GALNT12: variants seen among roughly 807,000 people sequenced by gnomAD.
GALNT12 encodes the protein UDP-GalNAc:polypeptide N-acetylgalactosaminyltransferase 12.
A neutral mutation model predicts 55.5 loss-of-function variants in GALNT12; 45 were observed. That is an observed-to-expected ratio of 0.81 (90% CI 0.64 to 1.04). The LOEUF (loss-of-function observed/expected upper bound fraction) is 1.04. Among genes scored for constraint, GALNT12 ranks in the 50% least tolerant of loss-of-function variants. The pLI, the probability that GALNT12 is intolerant of heterozygous loss-of-function variation, is 0.00. For missense variants in GALNT12, 709 were observed against 754.8 expected (o/e 0.94, Z 0.71); for synonymous variants, 304 against 312.2 (o/e 0.97, Z 0.28).
chr9:98,845,901 G>T, intron 8 of GALNT12, 76 bp from the exon 9 acceptor site: 1 of 1,522,162 alleles, frequency 6.6e-7, no homozygotes, highest in African/African-American at 1.4e-5. Context: ...GTGATCCCAG[G>T]TTCTTGTCCA....
chr9:98,825,252 A>T (rs1209717374), intron 2 of GALNT12, among the ~76,000 whole-genome samples: 2 of 152,248 alleles, frequency 1.3e-5, no homozygotes, highest in Non-Finnish European at 2.9e-5. Context: ...TATTTATTTT[A>T]TAATAATGGG....
intron 1 of GALNT12, among the ~76,000 whole-genome samples, chr9:98,819,312 G>A (rs1835684422): frequency 6.6e-6 from 1 of 152,174 alleles, no homozygotes; most frequent in South Asian, 2.1e-4. Context: ...CCTTCCACGG[G>A]GTCAGTGCTA....
chr9:98,812,155 A>G (rs546685090), intron 1 of GALNT12, among the ~76,000 whole-genome samples: 1 of 152,344 alleles, frequency 6.6e-6, no homozygotes, highest in Admixed American at 6.5e-5. Context: ...TTCTTGAGTC[A>G]GTACTCCAGT....
intron 7 of GALNT12, among the ~76,000 whole-genome samples, chr9:98,840,389 C>T (rs1313008832): frequency 1.3e-5 from 2 of 152,180 alleles, no homozygotes; most frequent in Non-Finnish European, 2.9e-5. Context: ...GAAACTGAGG[C>T]TTATCTGGTG....
intron 4 of GALNT12, among the ~76,000 whole-genome samples, chr9:98,833,028 C>A (rs1836040011): frequency 6.6e-6 from 1 of 152,202 alleles, no homozygotes; most frequent in Middle Eastern, 3.4e-3. Flanking sequence ...CATCTTTAGG[C>A]CCCTTTGACC....
intron 6 of GALNT12, among the ~76,000 whole-genome samples, chr9:98,839,085 T>A (rs1320147843): frequency 6.6e-6 from 1 of 152,178 alleles, no homozygotes; most frequent in Non-Finnish European, 1.5e-5. Context: ...ACCCACTCTT[T>A]CCTCATGCAC....
At position 98,818,178 on chromosome 9, in the gene GALNT12, G is replaced by A. The variant is rs930208934; in HGVS notation, c.372-5078G>A. On this transcript the variant is annotated intron_variant, in intron 1 of 9. Transcript: ENST00000375011. ...TCATGATACCATGATATAATATCAA[G>A]TCCAGAATATTTATCCAATATCGGA... 1.8e-4 allele frequency among the ~76,000 whole-genome samples: 28 copies of A among 151,802 alleles called. 1 individual carries two copies.
intron 7 of GALNT12, 51 bp downstream of exon 7, chr9:98,840,184 G>A (rs1406797398): frequency 1.2e-6 from 2 of 1,609,204 alleles, no homozygotes; most frequent in Middle Eastern, 2.2e-4. Context: ...CTGGCCTCTG[G>A]GTCTGCTCTG....
rs1337071048 is a variant in GALNT12 at position 98,837,011 on chromosome 9, TC to T, written c.1078del (p.His360MetfsTer51). ...TGGGGTTCTGGAAACACACCCATGT[TC>T]CCATGTTGGCCATGTTTTCCCCAAG... ...CGGVLETHPCSHVGHVFPKQA... is the reference protein window; with the variant it reads ...CGGVLETHPCXHVGHVFPKQA... On this transcript the variant is annotated frameshift_variant, in exon 6 of 10. Coordinates refer to ENST00000375011, the MANE Select transcript of GALNT12 (RefSeq NM_024642.5). LOFTEE classifies it high-confidence loss of function. 4 of 1,614,180 alleles carry T rather than the reference TC, an allele frequency of 2.5e-6. No homozygotes were observed. Among genetic ancestry groups the T allele is most frequent in the Non-Finnish European group, 1.7e-6 (2 of 1,180,040 alleles).
chr9:98,845,960 G>GGCTGCCCCATTTTTA lies in GALNT12; in HGVS notation c.1459-15_1459-1dup, dbSNP rs760180024. 1.2e-6 allele frequency: 2 copies of GGCTGCCCCATTTTTA among 1,613,744 alleles called. No homozygotes were observed. Among genetic ancestry groups the GGCTGCCCCATTTTTA allele is most frequent in the Non-Finnish European group, 8.5e-7 (1 of 1,179,768 alleles). ...AGTGGAAAATGTTGTGTTACATGTT[G>GGCTGCCCCATTTTTA]GCTGCCCCATTTTTAGTTTTTCGAG... On this transcript the variant is annotated splice_polypyrimidine_tract_variant and intron_variant, in intron 8 of 9. Transcript: ENST00000375011.
chr9:98,829,528 T>C (rs1276273440), intron 3 of GALNT12, among the ~76,000 whole-genome samples: 1 of 151,308 alleles, frequency 6.6e-6, no homozygotes, highest in Non-Finnish European at 1.5e-5. Context: ...TTTTTTTTTT[T>C]ACTATAGTCA....
chr9:98,817,540 T>C lies in GALNT12; in HGVS notation c.372-5716T>C, dbSNP rs1835640825. Among the ~76,000 whole-genome samples, 2 of 152,130 alleles carry C rather than the reference T, an allele frequency of 1.3e-5. 1 individual carries two copies. The highest frequency in any genetic ancestry group is 4.1e-4 in the South Asian group (2 of 4,826). ...GTGCAATGGCGCGATCTTGGCTCACTGCAACCTCCGCCTCCCAGGTTCAAG... is the reference window on the plus strand; with the variant it reads ...GTGCAATGGCGCGATCTTGGCTCACCGCAACCTCCGCCTCCCAGGTTCAAG... On this transcript the variant is annotated intron_variant, in intron 1 of 9. Transcript: ENST00000375011.
intron 3 of GALNT12, among the ~76,000 whole-genome samples, chr9:98,830,144 C>T (rs1023775071): frequency 1.3e-5 from 2 of 152,162 alleles, no homozygotes; most frequent in Non-Finnish European, 2.9e-5. Context: ...AATGCCTGGT[C>T]CCATTTGGAT....
At chr9:98,833,899 C>G (rs1184572687) in intron 4 of GALNT12, among the ~76,000 whole-genome samples, 2 of 152,102 alleles carry the variant, frequency 1.3e-5, no homozygotes, top group Non-Finnish European at 2.9e-5. Context: ...CCCTGTGCCT[C>G]AGTTATCTCA....
rs1258577196 is a variant in GALNT12, at chr9:98,807,687, G to A, written c.-12G>A. 1.5e-5 allele frequency: 17 copies of A among 1,131,464 alleles called. No individual in the cohort carries two copies. The highest frequency in any genetic ancestry group is 1.8e-5 in the Non-Finnish European group (17 of 926,110). 70.1% of individuals were successfully genotyped at this position (1,131,464 alleles called of 1,614,324 possible). On this transcript the variant is annotated 5_prime_UTR_variant, in exon 1 of 10. Coordinates refer to ENST00000375011, the MANE Select transcript of GALNT12 (RefSeq NM_024642.5). The stretch of plus-strand genomic sequence containing the variant: ...TGGGGCGCGCAGATCGCTGGCTGCA[G>A]TTGGCGGGCGCATGTGGGGGCGCAC...
intron 1 of GALNT12, among the ~76,000 whole-genome samples, chr9:98,808,392 C>A (rs984922106): frequency 6.6e-6 from 1 of 152,170 alleles, no homozygotes; most frequent in African/African-American, 2.4e-5. Context: ...CCCCCCAGCA[C>A]CCAAAGGACA....
At position 98,849,516 on chromosome 9, in the gene GALNT12, C is replaced by T. The variant is rs1836502733; in HGVS notation, c.*424C>T. ...GTGGAAATCAGGTTCAAGCAACGTACTTTGCATTAACTGATAATACCTCAG... is the reference window on the plus strand; with the variant it reads ...GTGGAAATCAGGTTCAAGCAACGTATTTTGCATTAACTGATAATACCTCAG... On this transcript the variant is annotated 3_prime_UTR_variant, in exon 10 of 10. Coordinates refer to ENST00000375011, the MANE Select transcript of GALNT12 (RefSeq NM_024642.5). 2.0e-6 allele frequency: 1 copy of T among 496,414 alleles called. No homozygotes were observed. Among genetic ancestry groups the T allele is most frequent in the Non-Finnish European group, 3.5e-6 (1 of 286,130 alleles). 30.8% of individuals were successfully genotyped at this position (496,414 alleles called of 1,614,324 possible).
At chr9:98,816,415 CAA>C (rs1835612051) in intron 1 of GALNT12, among the ~76,000 whole-genome samples, 1 of 146,444 alleles carries the variant, frequency 6.8e-6, no homozygotes, top group Non-Finnish European at 1.5e-5. Flanking sequence ...GCAGGGCTGA[CAA>C]GAGAAGAAAT....
At chr9:98,811,290 G>A (rs2118276684) in intron 1 of GALNT12, among the ~76,000 whole-genome samples, 1 of 152,348 alleles carries the variant, frequency 6.6e-6, no homozygotes, top group South Asian at 2.1e-4. Context: ...CAACTGAGTG[G>A]TGTGTCACAA....
Sources: gnomAD v4.1 joint callset for allele counts (sites outside exome capture counted in the v4.1 genomes callset) on GRCh38, gnomAD v4.1.1 for gene constraint, MANE v1.5 for transcripts, NCBI Gene and HGNC (gene_info 2026-07-23, HGNC 2026-07-21) for gene names.